Variants in TGFB1 observed in about 807,000 individuals in gnomAD.
TGFB1 encodes transforming growth factor beta-1 proprotein.
A neutral mutation model predicts 43.8 loss-of-function variants in TGFB1; 19 were observed. The observed-to-expected ratio is 0.43, with a 90% CI of 0.30 to 0.64. TGFB1 has a LOEUF of 0.64. TGFB1 is among the 30% of genes least tolerant of loss of function. TGFB1 has a pLI of 0.11. For missense variants in TGFB1, 445 were observed against 529.8 expected, an observed-to-expected ratio of 0.84 and a Z score of 1.57; for synonymous variants, 221 against 236.3, an observed-to-expected ratio of 0.94 and a Z score of 0.60.
At position 41,352,787 on chromosome 19, in the gene TGFB1, G is replaced by A. The variant is rs754483500; in HGVS notation, c.258C>T (p.Asp86=). ...GTTCTGCACTCTCCCCGGCCACCCG[G>A]TCGCGGGTGCTGTTGTACAGGGCGA... ...AVLALYNSTR[D]RVAGESAEPE... The change falls in exon 1 of 7, where the codon GAC becomes GAT. Residue 86 remains aspartate (D), a synonymous_variant. Transcript: ENST00000221930. 6.2e-7 allele frequency: 1 copy of A among 1,610,040 alleles called. No individual in the cohort carries two copies. Among genetic ancestry groups the A allele is most frequent in the Non-Finnish European group, 8.5e-7 (1 of 1,177,682 alleles).
chr19:41,347,083 T>C (rs919018325), intron 2 of TGFB1, among the ~76,000 whole-genome samples: 1 of 152,062 alleles, frequency 6.6e-6, no homozygotes, highest in Non-Finnish European at 1.5e-5. Flanking sequence ...AATGCAGTGG[T>C]GCAATCACAG....
intron 5 of TGFB1, among the ~76,000 whole-genome samples, chr19:41,339,508 G>A (rs989080345): frequency 5.3e-5 from 8 of 151,830 alleles, no homozygotes; most frequent in African/African-American, 1.9e-4. Flanking sequence ...CCTTTGTAAT[G>A]TCAGGAGCTG....
intron 1 of TGFB1, 23 bp downstream of exon 1, chr19:41,352,667 C>T (rs778680591): frequency 6.8e-6 from 11 of 1,611,396 alleles, no homozygotes; most frequent in Middle Eastern, 1.7e-4. Context: ...CCCCTCCCGG[C>T]TCCCCTGCCC....
Position 41,330,840 on chromosome 19 carries a change from G to A in TGFB1, c.*212C>T. 2 of 522,788 alleles carry A rather than the reference G, an allele frequency of 3.8e-6. No homozygotes were observed. The highest frequency in any genetic ancestry group is 6.8e-6 in the Non-Finnish European group (2 of 295,582). 32.4% of individuals were successfully genotyped at this position (522,788 alleles called of 1,614,324 possible). On this transcript the variant is annotated 3_prime_UTR_variant, in exon 7 of 7. Transcript: ENST00000221930. ...AGGCAGGAGGAGGCAGAGAGGGAGA[G>A]AGAGGGAGTGGGAGTGGGGGAACGT...
intron 6 of TGFB1, 198 bp downstream of exon 6, chr19:41,331,930 C>T (rs569008250): frequency 2.2e-5 from 15 of 673,070 alleles, no homozygotes; most frequent in Admixed American, 6.0e-5. Context: ...GCTCATCTCC[C>T]TCTGGCCCCT....
chr19:41,331,340 A>T, intron 6 of TGFB1, 130 bp from the exon 7 acceptor site: 1 of 1,119,016 alleles, frequency 8.9e-7, no homozygotes, highest in Non-Finnish European at 1.2e-6. Context: ...CCCTCTTCCC[A>T]TCTCCAATTC....
At chr19:41,345,559 C>T (rs924658624) in intron 2 of TGFB1, among the ~76,000 whole-genome samples, 1 of 152,070 alleles carries the variant, frequency 6.6e-6, no homozygotes, top group Non-Finnish European at 1.5e-5. Flanking sequence ...ACTGAGCATA[C>T]GGTTCTGCAA....
At chr19:41,346,980 C>A (rs1031785721) in intron 2 of TGFB1, among the ~76,000 whole-genome samples, 2 of 151,986 alleles carry the variant, frequency 1.3e-5, no homozygotes, top group Non-Finnish European at 2.9e-5. Context: ...CCCACCCTGG[C>A]CTCCCAAAGT....
intron 5 of TGFB1, among the ~76,000 whole-genome samples, chr19:41,333,833 T>C (rs1040144199): frequency 5.3e-5 from 8 of 152,242 alleles, no homozygotes; most frequent in African/African-American, 1.9e-4. Flanking sequence ...TGACTGTTAG[T>C]TCCATTTAGT....
At chr19:41,338,146 C>G (rs369657441) in intron 5 of TGFB1, among the ~76,000 whole-genome samples, 1 of 151,178 alleles carries the variant, frequency 6.6e-6, no homozygotes, top group East Asian at 1.9e-4. Context: ...GAGCTGAGAT[C>G]ACTTCACTGC....
Position 41,342,159 on chromosome 19 carries a change from G to A in TGFB1, c.712+11C>T, listed in dbSNP as rs2123098782. Reference sequence around the variant, plus strand: ...GTCACAACTGGGCATGGCCGGGGAAGCAGGCCTCACCGTTGATGTCCACTT... The same window carrying A: ...GTCACAACTGGGCATGGCCGGGGAAACAGGCCTCACCGTTGATGTCCACTT... On this transcript the variant is annotated intron_variant, in intron 4 of 6. Transcript: ENST00000221930. 6.8e-6 allele frequency: 11 copies of A among 1,610,478 alleles called. No homozygotes were observed. The highest frequency in any genetic ancestry group is 1.7e-4 in the Middle Eastern group (1 of 6,060).
At chr19:41,338,364 G>C (rs1183239742) in intron 5 of TGFB1, among the ~76,000 whole-genome samples, 22 of 151,562 alleles carry the variant, frequency 1.5e-4, no homozygotes. Context: ...CATGGTGGCA[G>C]GTGCCTATAA....
chr19:41,341,179 A>G (rs1481616955), intron 5 of TGFB1, among the ~76,000 whole-genome samples: 1 of 151,970 alleles, frequency 6.6e-6, no homozygotes, highest in Non-Finnish European at 1.5e-5. Flanking sequence ...AAGATACAAA[A>G]AATTAGGCCG....
intron 2 of TGFB1, among the ~76,000 whole-genome samples, chr19:41,347,250 T>C (rs1007457510): frequency 3.3e-5 from 5 of 152,186 alleles, no homozygotes; most frequent in Non-Finnish European, 5.9e-5. Flanking sequence ...CTCGGACTCC[T>C]GGGCTCAAGC....
rs1318275529 is a variant in TGFB1, at chr19:41,341,768, A to G, written c.860+115T>C. The G allele has an allele frequency of 8.0e-6, 11 of 1,366,490 alleles. No individual in the cohort carries two copies. In the African/African-American group the frequency reaches 1.6e-4, roughly 20 times the overall value. 84.6% of individuals were successfully genotyped at this position (1,366,490 alleles called of 1,614,324 possible). On this transcript the variant is annotated intron_variant, in intron 5 of 6. Coordinates refer to ENST00000221930, the MANE Select transcript of TGFB1 (RefSeq NM_000660.7). ...CCCTGAGCCCTCCAAGCTAAAGGAG[A>G]CAGATGCTCAGCCCAAGCACAGCAG...
chr19:41,351,257 G>A (rs2038188946), intron 1 of TGFB1: 1 of 152,362 alleles, frequency 6.6e-6, no homozygotes, highest in Non-Finnish European at 1.5e-5. Context: ...GCTGTAAACT[G>A]GCGCAGAAAT....
intron 1 of TGFB1, among the ~76,000 whole-genome samples, chr19:41,351,512 T>G (rs970522687): frequency 1.3e-5 from 2 of 151,978 alleles, no homozygotes; most frequent in South Asian, 2.1e-4. Flanking sequence ...GCCGGGGGCA[T>G]GGGAAGGAAA....
chr19:41,348,367 C>A lies in TGFB1; in HGVS notation c.444G>T (p.Val148=). The part of the protein sequence containing the change: ...SELREAVPEP[V]LLSRAELRLL... ...GACGCAGCTCTGCCCGGGAGAGCAA[C>A]ACGGGTTCAGGTACCGCTTCTCGGA... Residue 148 remains valine, a synonymous_variant, in exon 2 of 7, where the codon GTG becomes GTT. Transcript: ENST00000221930. 6.2e-7 allele frequency: 1 copy of A among 1,613,746 alleles called. No homozygotes were observed. The highest frequency in any genetic ancestry group is 8.5e-7 in the Non-Finnish European group (1 of 1,179,864).
In TGFB1 at chr19:41,330,720, A is replaced by G. The variant is rs199972613; in HGVS notation, c.*332T>C. On this transcript the variant is annotated 3_prime_UTR_variant, in exon 7 of 7. Coordinates refer to ENST00000221930, the MANE Select transcript of TGFB1 (RefSeq NM_000660.7). ...GAGTTCATTAATGTAAGGCACTTCAACAGTGCCCAAGGTGCTCAATAAATA... is the reference window on the plus strand; with the variant it reads ...GAGTTCATTAATGTAAGGCACTTCAGCAGTGCCCAAGGTGCTCAATAAATA... 1.6e-4 allele frequency: 43 copies of G among 266,236 alleles called. No individual in the cohort carries two copies. The highest frequency in any genetic ancestry group is 8.8e-4 in the African/African-American group (39 of 44,228). The allele number at this position is 266,236 out of a possible 1,614,324, so 16.5% of individuals were successfully genotyped here.
Sources: gnomAD v4.1 joint callset for allele counts (sites outside exome capture counted in the v4.1 genomes callset) on GRCh38, gnomAD v4.1.1 for gene constraint, MANE v1.5 for transcripts, NCBI Gene and HGNC (gene_info 2026-07-23, HGNC 2026-07-21) for gene names.